Variants in BTBD9 observed in about 807,000 individuals in gnomAD.
BTBD9 encodes BTB domain containing 9, also known as BTB/POZ domain-containing protein 9.
In BTBD9, 49 loss-of-function variants were observed where a neutral mutation model predicts 64.3. The ratio of observed to expected loss-of-function variants is 0.76; its 90% CI spans 0.61 to 0.97. The LOEUF (loss-of-function observed/expected upper bound fraction) is 0.97. Ranked by LOEUF, BTBD9 falls within the 50% of genes least tolerant of loss-of-function variation. The pLI is 0.00. For synonymous variants in BTBD9, 260 were observed against 274.7 expected, an observed-to-expected ratio of 0.95 and a Z score of 0.53; for missense variants, 598 against 762.1, an observed-to-expected ratio of 0.78 and a Z score of 2.53.
intron 8 of BTBD9, among the ~76,000 whole-genome samples, chr6:38,263,974 G>A (rs1289457634): frequency 6.6e-6 from 1 of 152,212 alleles, no homozygotes; most frequent in African/African-American, 2.4e-5. Flanking sequence ...ATGGCTACAG[G>A]ACCAGAGAGA....
intron 6 of BTBD9, among the ~76,000 whole-genome samples, chr6:38,480,952 T>C (rs1279344055): frequency 6.6e-6 from 1 of 152,210 alleles, no homozygotes; most frequent in African/African-American, 2.4e-5. Context: ...CTGGGTACCT[T>C]TGGCAATGTA....
intron 9 of BTBD9, among the ~76,000 whole-genome samples, chr6:38,224,849 C>T (rs1245598915): frequency 6.6e-6 from 1 of 152,212 alleles, no homozygotes; most frequent in Non-Finnish European, 1.5e-5. Flanking sequence ...GTAGTACTTA[C>T]ATTGTTTACA....
intron 6 of BTBD9, among the ~76,000 whole-genome samples, chr6:38,472,364 AC>A (rs1770687730): frequency 6.6e-6 from 1 of 152,180 alleles, no homozygotes; most frequent in African/African-American, 2.4e-5. Flanking sequence ...GTTCCATAAA[AC>A]CCAGCATGAA....
At chr6:38,197,502 G>A (rs1762305062) in intron 9 of BTBD9, among the ~76,000 whole-genome samples, 1 of 152,174 alleles carries the variant, frequency 6.6e-6, no homozygotes, top group African/African-American at 2.4e-5. Flanking sequence ...TCCGGGGCCA[G>A]AACCATATGG....
chr6:38,266,292 G>A (rs1251224324), intron 8 of BTBD9, among the ~76,000 whole-genome samples: 1 of 152,106 alleles, frequency 6.6e-6, no homozygotes, highest in African/African-American at 2.4e-5. Flanking sequence ...AAAATTCTCA[G>A]CCAGGCACGG....
At chr6:38,417,802 A>AG (rs55963730) in intron 6 of BTBD9, among the ~76,000 whole-genome samples, 7,310 of 102,298 alleles carry the variant, frequency 0.071, 218 homozygotes, top group East Asian at 0.13. Context: ...GAGAGAGAGA[A>AG]AAAAAATATT....
At chr6:38,604,814 T>A (rs1699015) in intron 1 of BTBD9, among the ~76,000 whole-genome samples, 2 of 151,998 alleles carry the variant, frequency 1.3e-5, no homozygotes, top group African/African-American at 4.8e-5. Flanking sequence ...CGAGGGAGAC[T>A]GCAATACAAA....
intron 9 of BTBD9, among the ~76,000 whole-genome samples, chr6:38,219,839 G>A (rs1763139196): frequency 6.6e-6 from 1 of 152,090 alleles, no homozygotes; most frequent in South Asian, 2.1e-4. Context: ...ACTAAGGAGG[G>A]CATTTGGCTA....
intron 1 of BTBD9, among the ~76,000 whole-genome samples, chr6:38,611,122 GT>G (rs1474063546): frequency 6.6e-6 from 1 of 152,010 alleles, no homozygotes; most frequent in Non-Finnish European, 1.5e-5. Flanking sequence ...ATATATATGT[GT>G]TTAAATACAT....
chr6:38,617,573 T>C (rs1392504111), intron 1 of BTBD9, among the ~76,000 whole-genome samples: 2 of 152,204 alleles, frequency 1.3e-5, no homozygotes, highest in Non-Finnish European at 2.9e-5. Flanking sequence ...GGGGGTACTA[T>C]CTGGAATTTT....
chr6:38,425,339 C>CT (rs1251175451), intron 6 of BTBD9, among the ~76,000 whole-genome samples: 7 of 150,662 alleles, frequency 4.6e-5, no homozygotes, highest in Non-Finnish European at 1.5e-5. Context: ...CTCCTGACCT[C>CT]GTCATCTGCC....
At position 38,242,191 on chromosome 6, in the gene BTBD9, C is replaced by A. The variant is rs184130846; in HGVS notation, c.1562+14218G>T. On this transcript the variant is annotated intron_variant, in intron 9 of 10. Coordinates refer to ENST00000481247, the MANE Select transcript of BTBD9 (RefSeq NM_001099272.2). ...GATTTTAAAATCTGAAGTTCATAGC[C>A]TCCTTGGGTTGGGAAATCACCAGTC... Among the ~76,000 whole-genome samples, 19 of 152,274 alleles carry A rather than the reference C, an allele frequency of 1.2e-4. No individual in the cohort carries two copies. The East Asian group carries it at 3.3e-3, about 26-fold the overall frequency.
intron 6 of BTBD9, among the ~76,000 whole-genome samples, chr6:38,570,996 G>C (rs1480551552): frequency 6.6e-6 from 1 of 152,182 alleles, no homozygotes; most frequent in East Asian, 1.9e-4. Context: ...TGCATTCTTA[G>C]AAGAAAATGT....
At chr6:38,635,366 C>A (rs1778495699) in intron 1 of BTBD9, among the ~76,000 whole-genome samples, 1 of 152,132 alleles carries the variant, frequency 6.6e-6, no homozygotes, top group Admixed American at 6.5e-5. Flanking sequence ...AAACTCCTGA[C>A]CTCAAGTGAT....
At chr6:38,460,361 C>T (rs1300939880) in intron 6 of BTBD9, among the ~76,000 whole-genome samples, 3 of 152,198 alleles carry the variant, frequency 2.0e-5, no homozygotes, top group African/African-American at 7.2e-5. Flanking sequence ...ACCCAGGAAT[C>T]TGACAACACA....
Position 38,170,325 on chromosome 6 carries a change from A to T in BTBD9, c.*4660T>A, listed in dbSNP as rs1212890500. 6.6e-6 allele frequency: 1 copy of T among 152,412 alleles called. No homozygotes were observed. Among genetic ancestry groups the T allele is most frequent in the Admixed American group, 6.5e-5 (1 of 15,270 alleles). 9.4% of individuals were successfully genotyped at this position (152,412 alleles called of 1,614,324 possible). A position where few individuals can be genotyped will look rare whatever the true frequency, so the allele number is the denominator to read the frequency against. On this transcript the variant is annotated 3_prime_UTR_variant, in exon 11 of 11. Coordinates refer to ENST00000481247, the MANE Select transcript of BTBD9 (RefSeq NM_001099272.2). Reference sequence around the variant, plus strand: ...GCTTGGGGCCAGCACTGTGCAAAGGATGGGTGAGCACGCTGTCCCTCGGAG... The same window carrying T: ...GCTTGGGGCCAGCACTGTGCAAAGGTTGGGTGAGCACGCTGTCCCTCGGAG...
intron 7 of BTBD9, among the ~76,000 whole-genome samples, chr6:38,301,738 ATTCTTCTCTCTTT>A (rs1762410723): frequency 6.6e-6 from 1 of 151,324 alleles, no homozygotes; most frequent in African/African-American, 2.4e-5. Context: ...CGTCTATTTG[ATTCTTCTCTCTTT>A]TCTTCTATAT....
At chr6:38,304,323 G>A (rs377654100) in intron 7 of BTBD9, among the ~76,000 whole-genome samples, 71 of 152,022 alleles carry the variant, frequency 4.7e-4, no homozygotes, top group African/African-American at 1.0e-3. Context: ...CGAGGTGGGC[G>A]GATCACGAGG....
intron 8 of BTBD9, among the ~76,000 whole-genome samples, chr6:38,274,735 G>A (rs1234431420): frequency 6.6e-6 from 1 of 152,122 alleles, no homozygotes; most frequent in Non-Finnish European, 1.5e-5. Flanking sequence ...AAGCCCACTT[G>A]ATCATGGTGG....
Sources: gnomAD v4.1 joint callset for allele counts (sites outside exome capture counted in the v4.1 genomes callset) on GRCh38, gnomAD v4.1.1 for gene constraint, MANE v1.5 for transcripts, NCBI Gene and HGNC (gene_info 2026-07-23, HGNC 2026-07-21) for gene names.